Variants in BBS9 observed in about 807,000 individuals in gnomAD.
The protein encoded by BBS9 is Bardet-Biedl syndrome 9, also known as protein PTHB1.
BBS9 carries 89 observed loss-of-function variants against 117.7 expected under a neutral mutation model. That is an observed-to-expected ratio of 0.76 (90% CI 0.64 to 0.90). BBS9 has a LOEUF of 0.90. Among genes scored for constraint, BBS9 ranks in the 40% least tolerant of loss-of-function variants. The pLI, the probability that BBS9 is intolerant of heterozygous loss-of-function variation, is 0.00. For synonymous variants in BBS9, 379 were observed against 370.9 expected (o/e 1.02, Z -0.25); for missense variants, 982 against 1,042.2 (o/e 0.94, Z 0.80).
At chr7:33,391,996 A>C (rs1563109341) in intron 19 of BBS9, among the ~76,000 whole-genome samples, 1 of 152,192 alleles carries the variant, frequency 6.6e-6, no homozygotes, top group Non-Finnish European at 1.5e-5. Flanking sequence ...TTTATAAATT[A>C]TTCTAACACT....
chr7:33,349,821 A>G (rs1448916774), intron 13 of BBS9, among the ~76,000 whole-genome samples: 1 of 152,182 alleles, frequency 6.6e-6, no homozygotes, highest in African/African-American at 2.4e-5. Context: ...AAGAATTAAT[A>G]TGGACTTTGG....
At chr7:33,362,794 C>T (rs898034108) in intron 16 of BBS9, among the ~76,000 whole-genome samples, 1 of 152,046 alleles carries the variant, frequency 6.6e-6, no homozygotes, top group Non-Finnish European at 1.5e-5. Context: ...TTAAATAAAA[C>T]TGGCTGTTGG....
intron 5 of BBS9, among the ~76,000 whole-genome samples, chr7:33,237,041 T>C (rs1188178470): frequency 6.6e-6 from 1 of 152,126 alleles, no homozygotes; most frequent in Non-Finnish European, 1.5e-5. Flanking sequence ...ATTGAACTTA[T>C]TTGTAATTCT....
At chr7:33,470,401 T>C (rs1479440605) in intron 19 of BBS9, among the ~76,000 whole-genome samples, 3 of 152,054 alleles carry the variant, frequency 2.0e-5, no homozygotes, top group Admixed American at 6.6e-5. Context: ...CTAAAATATA[T>C]ATTTTTTTCT....
At chr7:33,272,973 A>G (rs368541004) in intron 7 of BBS9, 39 bp from the exon 8 acceptor site, 3 of 1,600,878 alleles carry the variant, frequency 1.9e-6, no homozygotes, top group Non-Finnish European at 2.6e-6. Context: ...AAATTTTCTG[A>G]GGTTAGCAAC....
At chr7:33,398,295 A>G (rs906242428) in intron 19 of BBS9, among the ~76,000 whole-genome samples, 1 of 152,134 alleles carries the variant, frequency 6.6e-6, no homozygotes, top group Non-Finnish European at 1.5e-5. Context: ...TTTCCTGTCT[A>G]TACCCTATGA....
At chr7:33,185,918 T>C (rs898430039) in intron 5 of BBS9, among the ~76,000 whole-genome samples, 5 of 152,218 alleles carry the variant, frequency 3.3e-5, no homozygotes, top group Non-Finnish European at 7.3e-5. Context: ...CTATAACTTT[T>C]GGCCTTAGTT....
At chr7:33,158,764 A>G (rs1043187133) in intron 4 of BBS9, among the ~76,000 whole-genome samples, 2 of 152,122 alleles carry the variant, frequency 1.3e-5, no homozygotes, top group Non-Finnish European at 2.9e-5. Context: ...CTGGTTGTAG[A>G]TGTTGTTAAA....
intron 19 of BBS9, among the ~76,000 whole-genome samples, chr7:33,477,342 A>T (rs150056822): frequency 6.6e-6 from 1 of 152,178 alleles, no homozygotes; most frequent in Non-Finnish European, 1.5e-5. Context: ...TGAGTTTTCT[A>T]TAGGAAATAA....
intron 1 of BBS9, among the ~76,000 whole-genome samples, chr7:33,136,307 A>G (rs1049930644): frequency 6.6e-6 from 1 of 152,158 alleles, no homozygotes; most frequent in South Asian, 2.1e-4. Context: ...GTGAGTAAAG[A>G]TAGTTTTACT....
intron 21 of BBS9, among the ~76,000 whole-genome samples, chr7:33,544,959 T>G (rs998079057): frequency 6.6e-6 from 1 of 152,014 alleles, no homozygotes; most frequent in Non-Finnish European, 1.5e-5. Context: ...GTCATGCAGG[T>G]TGTCAGGGAA....
chr7:33,312,595 C>A (rs964567516), intron 9 of BBS9, among the ~76,000 whole-genome samples: 1 of 152,128 alleles, frequency 6.6e-6, no homozygotes, highest in Middle Eastern at 3.2e-3. Flanking sequence ...AGGCCTTATG[C>A]ACCTTTCATT....
intron 19 of BBS9, among the ~76,000 whole-genome samples, chr7:33,457,225 A>G (rs1440379076): frequency 6.6e-6 from 1 of 152,222 alleles, no homozygotes; most frequent in Non-Finnish European, 1.5e-5. Flanking sequence ...CACGGAAGCA[A>G]TCAGCCTTAT....
intron 19 of BBS9, among the ~76,000 whole-genome samples, chr7:33,417,579 G>A (rs542209252): frequency 6.6e-6 from 1 of 152,320 alleles, no homozygotes; most frequent in East Asian, 1.9e-4. Flanking sequence ...AGTTAAGAAG[G>A]ATTCTTAGGT....
rs138199250 is a variant in BBS9, at chr7:33,396,848, C to T, written c.2115+8704C>T. 1.1e-4 allele frequency among the ~76,000 whole-genome samples: 16 copies of T among 152,182 alleles called. No individual in the cohort carries two copies. The East Asian group carries it at 2.1e-3, about 20-fold the overall frequency. ...AGAATAGAGAACTCAGAAATAAGAC[C>T]GCACACCTACAACCATCTGATCTTT... On this transcript the variant is annotated intron_variant, in intron 19 of 22. Transcript: ENST00000242067.
intron 6 of BBS9, among the ~76,000 whole-genome samples, chr7:33,260,663 A>G (rs1797834531): frequency 6.6e-6 from 1 of 152,244 alleles, no homozygotes; most frequent in African/African-American, 2.4e-5. Flanking sequence ...AATGTAGTCA[A>G]ATAGACGTGC....
At position 33,215,983 on chromosome 7, in the gene BBS9, T is replaced by G. The variant is rs1262599267; in HGVS notation, c.442+38392T>G. Among the ~76,000 whole-genome samples the G allele has an allele frequency of 4.2e-5, 2 of 48,088 alleles. 1 individual carries two copies. The highest frequency in any genetic ancestry group is 7.7e-4 in the East Asian group (2 of 2,586). 31.5% of individuals were successfully genotyped at this position (48,088 alleles called of 152,430 possible). On this transcript the variant is annotated intron_variant, in intron 5 of 22. Coordinates refer to ENST00000242067, the MANE Select transcript of BBS9 (RefSeq NM_198428.3). The stretch of plus-strand genomic sequence containing the variant: ...AGGAAACTAACCTAAAAGAGAAGTC[T>G]GAATGCTGATTCCATTCAGCAGGGG...
chr7:33,276,269 A>G (rs1314092337), intron 9 of BBS9, among the ~76,000 whole-genome samples: 1 of 152,246 alleles, frequency 6.6e-6, no homozygotes. Context: ...AAGTTTAGGA[A>G]GGTTTTCTGC....
At chr7:33,228,442 A>G (rs1791705466) in intron 5 of BBS9, among the ~76,000 whole-genome samples, 1 of 152,114 alleles carries the variant, frequency 6.6e-6, no homozygotes, top group Admixed American at 6.6e-5. Flanking sequence ...TCTTTCTTCC[A>G]GAAGATTTAG....
Sources: allele counts gnomAD v4.1 joint callset (sites outside exome capture counted in the v4.1 genomes callset), GRCh38; gene constraint gnomAD v4.1.1; transcripts MANE v1.5; gene names NCBI Gene and HGNC (gene_info 2026-07-23, HGNC 2026-07-21).